ITGAX: variants seen among roughly 807,000 people sequenced by gnomAD.
ITGAX encodes the protein integrin alpha-X.
A neutral mutation model predicts 140.2 loss-of-function variants in ITGAX; 99 were observed. That is an observed-to-expected ratio of 0.71 (90% CI 0.60 to 0.83). The LOEUF (loss-of-function observed/expected upper bound fraction) is 0.83, where lower values mean the gene tolerates loss of function less well. Ranked by LOEUF, ITGAX falls within the 40% of genes least tolerant of loss-of-function variation. The probability of loss-of-function intolerance (pLI) is 0.00; values close to 1 mark genes in which losing one functional copy is unlikely to be tolerated. For synonymous variants in ITGAX, 631 were observed against 600.4 expected, an observed-to-expected ratio of 1.05 and a Z score of -0.75; for missense variants, 1,444 against 1,482.0, an observed-to-expected ratio of 0.97 and a Z score of 0.42.
rs2080745255 is a variant in ITGAX at position 31,355,217 on chromosome 16, G to A, written c.-38G>A. Reference sequence around the variant, plus strand: ...CCTTGGTCCAGCTCTTCCTGCAACGGCCCAGGAGCTCAGAGCTCCACATCT... The same window carrying A: ...CCTTGGTCCAGCTCTTCCTGCAACGACCCAGGAGCTCAGAGCTCCACATCT... On this transcript the variant is annotated 5_prime_UTR_variant, in exon 1 of 30. Coordinates refer to ENST00000268296, the MANE Select transcript of ITGAX (RefSeq NM_000887.5). 6.2e-7 allele frequency: 1 copy of A among 1,612,642 alleles called. No individual in the cohort carries two copies. The highest frequency in any genetic ancestry group is 8.5e-7 in the Non-Finnish European group (1 of 1,179,306).
intron 14 of ITGAX, among the ~76,000 whole-genome samples, chr16:31,370,830 G>A (rs2080948114): frequency 6.6e-6 from 1 of 152,092 alleles, no homozygotes; most frequent in African/African-American, 2.4e-5. Context: ...AGTCAGAATT[G>A]GAACTAGAGA....
At chr16:31,368,533 G>A (rs1162680759) in intron 14 of ITGAX, among the ~76,000 whole-genome samples, 1 of 149,972 alleles carries the variant, frequency 6.7e-6, no homozygotes, top group Admixed American at 6.6e-5. Context: ...TATAAACGTA[G>A]TTGATAAATC....
At chr16:31,377,765 T>C (rs1010510503) in intron 23 of ITGAX, among the ~76,000 whole-genome samples, 1 of 152,010 alleles carries the variant, frequency 6.6e-6, no homozygotes, top group African/African-American at 2.4e-5. Flanking sequence ...GCAGGTGTGA[T>C]CCACAGCTTG....
chr16:31,355,703 A>T (rs1208045292), intron 1 of ITGAX, among the ~76,000 whole-genome samples, 190 bp from the exon 2 acceptor site: 2 of 152,064 alleles, frequency 1.3e-5, no homozygotes, highest in Non-Finnish European at 2.9e-5. Context: ...GCAACTCGAT[A>T]GTGGATGGTG....
intron 14 of ITGAX, among the ~76,000 whole-genome samples, chr16:31,367,028 T>C (rs2142504487): frequency 6.6e-6 from 1 of 152,322 alleles, no homozygotes; most frequent in East Asian, 1.9e-4. Context: ...GAAGGAAGTC[T>C]GAGTGATCTG....
rs2080954831 is a variant in ITGAX at position 31,371,228 on chromosome 16, T to G, written c.1841+14T>G. ...GCTCCTGCTCAGGTGAGAGCAGCCT[T>G]TCTCAGAGGCTCCCCAGGTGGTCCT... On this transcript the variant is annotated intron_variant, in intron 15 of 29. Transcript: ENST00000268296. 6.2e-7 allele frequency: 1 copy of G among 1,602,932 alleles called. No homozygotes were observed. Among genetic ancestry groups the G allele is most frequent in the African/African-American group, 1.3e-5 (1 of 74,670 alleles).
chr16:31,358,500 G>T (rs1045268065), intron 5 of ITGAX: 6 of 151,976 alleles, frequency 3.9e-5, no homozygotes, highest in African/African-American at 1.5e-4. Context: ...TACTGGGGAG[G>T]CTGAGGCAGG....
At position 31,355,416 on chromosome 16, in the gene ITGAX, G is replaced by C. The variant is rs755296738; in HGVS notation, c.37+125G>C. The C allele has an allele frequency of 5.0e-6, 5 of 991,928 alleles. No individual in the cohort carries two copies. The East Asian group carries it at 7.8e-5, about 15-fold the overall frequency. The allele number at this position is 991,928 out of a possible 1,614,324, so 61.4% of individuals were successfully genotyped here. On this transcript the variant is annotated intron_variant, in intron 1 of 29. Coordinates refer to ENST00000268296, the MANE Select transcript of ITGAX (RefSeq NM_000887.5). ...GAAGAGAGACTCAGTCAAGCCTGAGGGGGAGGCAGGCACATAGGGTCTGAG... is the reference window on the plus strand; with the variant it reads ...GAAGAGAGACTCAGTCAAGCCTGAGCGGGAGGCAGGCACATAGGGTCTGAG...
chr16:31,372,489 C>G lies in ITGAX; in HGVS notation c.2272C>G (p.Gln758Glu), dbSNP rs770493262. 6.2e-7 allele frequency: 1 copy of G among 1,608,776 alleles called. No homozygotes were observed. The highest frequency in any genetic ancestry group is 8.5e-7 in the Non-Finnish European group (1 of 1,178,674). ...NLRPMLAADA[Q>E]RYFTASLPFE... ...GCGGCCTATGCTGGCCGCCGATGCT[C>G]AGAGATACTTCACGGCCTCCGTGAG... The change falls in exon 18 of 30, where the codon CAG (glutamine) becomes GAG (glutamate). Residue 758 changes from glutamine (Q) to glutamate (E), a missense_variant. Coordinates refer to ENST00000268296, the MANE Select transcript of ITGAX (RefSeq NM_000887.5).
At position 31,371,472 on chromosome 16, in the gene ITGAX, A is replaced by G; in HGVS notation, c.1980A>G (p.Lys660=). 1 of 1,613,872 alleles carries G rather than the reference A, an allele frequency of 6.2e-7. No individual in the cohort carries two copies. Among genetic ancestry groups the G allele is most frequent in the Admixed American group, 1.7e-5 (1 of 59,984 alleles). ...CCAACATCTGCCTTTACATTGACAA[A>G]CGTTCTAAGAACCTGCTTGGGAGCC... ...VQSNICLYID[K]RSKNLLGSRD... Residue 660 remains lysine (K), a synonymous_variant, in exon 16 of 30, where the codon AAA becomes AAG. Coordinates refer to ENST00000268296, the MANE Select transcript of ITGAX (RefSeq NM_000887.5).
chr16:31,364,426 CAA>C (rs56776715), intron 14 of ITGAX, among the ~76,000 whole-genome samples: 812 of 42,370 alleles, frequency 0.019, 6 homozygotes, highest in African/African-American at 0.048. Flanking sequence ...AATCCCGTGT[CAA>C]AAAAAAAAAA....
intron 5 of ITGAX, chr16:31,358,057 G>C (rs1196104337): frequency 1.3e-5 from 2 of 152,424 alleles, no homozygotes; most frequent in Non-Finnish European, 2.9e-5. Flanking sequence ...ACTGACATCT[G>C]GCTGCAAATA....
In ITGAX at chr16:31,382,528, C is replaced by A; in HGVS notation, c.*621C>A. The stretch of plus-strand genomic sequence containing the variant: ...CAGCTTCGCGTGAGAAGTCCCCTTC[C>A]ATCCCAGAGGGTGGGCTTCAGGGCG... On this transcript the variant is annotated 3_prime_UTR_variant, in exon 30 of 30. Coordinates refer to ENST00000268296, the MANE Select transcript of ITGAX (RefSeq NM_000887.5). The A allele has an allele frequency of 8.0e-7, 1 of 1,256,296 alleles. No individual in the cohort carries two copies. Among genetic ancestry groups the A allele is most frequent in the Non-Finnish European group, 1.1e-6 (1 of 891,562 alleles). The allele number at this position is 1,256,296 out of a possible 1,614,324, so 77.8% of individuals were successfully genotyped here. A position where few individuals can be genotyped will look rare whatever the true frequency, so the allele number is the denominator to read the frequency against.
At position 31,376,858 on chromosome 16, in the gene ITGAX, G is replaced by C. The variant is rs200663453; in HGVS notation, c.2568G>C (p.Gln856His). The change falls in exon 21 of 30, where the codon CAG (glutamine) becomes CAC (histidine). Residue 856 changes from glutamine to histidine, a missense_variant. Transcript: ENST00000268296. The stretch of plus-strand genomic sequence containing the variant: ...GTGACAGCGCCCCAGTTGGGAGCCA[G>C]GGCACCTGGAGCACCAGCTGCAGAA... The part of the protein sequence containing the change: ...LTCDSAPVGS[Q>H]GTWSTSCRIN... 74 of 1,614,192 alleles carry C rather than the reference G, an allele frequency of 4.6e-5. No individual in the cohort carries two copies. In the East Asian group the frequency reaches 1.5e-3, roughly 34 times the overall value.
chr16:31,379,479 C>A (rs370954729), intron 23 of ITGAX, 89 bp from the exon 24 acceptor site: 1 of 1,302,274 alleles, frequency 7.7e-7, no homozygotes, highest in Non-Finnish European at 1.1e-6. Flanking sequence ...CAAGGCCCCA[C>A]CGACCACCTG....
In ITGAX at chr16:31,359,984, G is replaced by C. The variant is rs1198833477; in HGVS notation, c.626G>C (p.Ser209Thr). The C allele has an allele frequency of 6.2e-7, 1 of 1,614,132 alleles. No individual in the cohort carries two copies. The highest frequency in any genetic ancestry group is 1.7e-5 in the Admixed American group (1 of 60,026). ...TTCACTTTCGAGGAATTCAGGCGCA[G>C]CTCAAACCCCCTCAGCCTGTTGGCT... ...THFTFEEFRRSSNPLSLLASV... is the reference protein window; with the variant it reads ...THFTFEEFRRTSNPLSLLASV... Residue 209 changes from serine (S) to threonine (T), a missense_variant, in exon 7 of 30, where the codon AGC becomes ACC. Physicochemically the swap from Ser to Thr is moderately conservative, Grantham distance 58. Transcript: ENST00000268296.
chr16:31,355,411 C>A (rs2080748264), intron 1 of ITGAX, 120 bp downstream of exon 1: 1 of 1,062,294 alleles, frequency 9.4e-7, no homozygotes, highest in East Asian at 2.6e-5. Context: ...TCAGTCAAGC[C>A]TGAGGGGGAG....
intron 26 of ITGAX, 89 bp from the exon 27 acceptor site, chr16:31,380,177 T>TTGA: frequency 6.6e-7 from 1 of 1,524,424 alleles, no homozygotes; most frequent in Non-Finnish European, 9.0e-7. Context: ...CATTCGGATA[T>TTGA]GGCCGCTGCC....
In ITGAX at chr16:31,371,221, G is replaced by A. The variant is rs2080954491; in HGVS notation, c.1841+7G>A. 1 of 1,605,102 alleles carries A rather than the reference G, an allele frequency of 6.2e-7. No homozygotes were observed. Among genetic ancestry groups the A allele is most frequent in the East Asian group, 2.2e-5 (1 of 44,792 alleles). On this transcript the variant is annotated splice_region_variant and intron_variant, in intron 15 of 29. Coordinates refer to ENST00000268296, the MANE Select transcript of ITGAX (RefSeq NM_000887.5). Reference sequence around the variant, plus strand: ...GCCAGGTGCTCCTGCTCAGGTGAGAGCAGCCTTTCTCAGAGGCTCCCCAGG... The same window carrying A: ...GCCAGGTGCTCCTGCTCAGGTGAGAACAGCCTTTCTCAGAGGCTCCCCAGG...
Sources: gnomAD v4.1 joint callset for allele counts (sites outside exome capture counted in the v4.1 genomes callset) on GRCh38, gnomAD v4.1.1 for gene constraint, MANE v1.5 for transcripts, NCBI Gene and HGNC (gene_info 2026-07-23, HGNC 2026-07-21) for gene names.